Variants in KCNH4 observed in about 807,000 individuals in gnomAD.
KCNH4 encodes the protein potassium voltage-gated channel subfamily H member 4, also known as voltage-gated delayed rectifier potassium channel KCNH4.
Under a neutral mutation model 90.7 loss-of-function variants are expected in KCNH4, and 33 were observed. The observed-to-expected ratio is 0.36, with a 90% confidence interval of 0.28 to 0.49. The LOEUF is 0.49. KCNH4 is among the 20% of genes least tolerant of loss of function. The probability of loss-of-function intolerance (pLI) is 0.98; values close to 1 mark genes in which losing one functional copy is unlikely to be tolerated. For synonymous variants in KCNH4, 551 were observed against 581.7 expected (o/e 0.95, Z 0.76); for missense variants, 1,044 against 1,387.1 (o/e 0.75, Z 3.93).
chr17:42,177,125 C>T (rs2079867595), intron 4 of KCNH4, among the ~76,000 whole-genome samples: 2 of 152,112 alleles, frequency 1.3e-5, no homozygotes, highest in South Asian at 4.1e-4. Context: ...TCTCGGCTCA[C>T]CGCAACCTCC....
Position 42,159,807 on chromosome 17 carries a change from C to G in KCNH4, c.*233G>C. 1 of 400,408 alleles carries G rather than the reference C, an allele frequency of 2.5e-6. No homozygotes were observed. The highest frequency in any genetic ancestry group is 4.2e-5 in the Admixed American group (1 of 24,006). 24.8% of individuals were successfully genotyped at this position (400,408 alleles called of 1,614,324 possible). A position where few individuals can be genotyped will look rare whatever the true frequency, so the allele number is the denominator to read the frequency against. ...GGCACTGCGGTTCATCTCATGCCTG[C>G]TGGGTTCCACAGCCCTCAGGTGGCT... On this transcript the variant is annotated 3_prime_UTR_variant, in exon 16 of 17. Transcript: ENST00000264661.
intron 11 of KCNH4, 46 bp from the exon 12 acceptor site, chr17:42,164,214 GCC>G (rs778773914): frequency 6.7e-7 from 1 of 1,501,728 alleles, no homozygotes; most frequent in South Asian, 1.3e-5. Context: ...CCTTCCCGCG[GCC>G]ATAGCGCAGA....
chr17:42,166,511 G>A lies in KCNH4; in HGVS notation c.1626C>T (p.Asp542=). The change falls in exon 10 of 17, where the codon GAC becomes GAT. Residue 542 remains aspartate, a synonymous_variant. Transcript: ENST00000264661. ...TCTCCCGATTCAGGTGCATAGCAATGTCAGCTCTCAGCTCGTCTGGGAAGT... is the reference window on the plus strand; with the variant it reads ...TCTCCCGATTCAGGTGCATAGCAATATCAGCTCTCAGCTCGTCTGGGAAGT... ...LRDFPDELRA[D]IAMHLNREIL... is the part of the protein sequence containing the mutation. 1 of 1,613,614 alleles carries A rather than the reference G, an allele frequency of 6.2e-7. No homozygotes were observed. The highest frequency in any genetic ancestry group is 8.5e-7 in the Non-Finnish European group (1 of 1,179,544).
At chr17:42,174,402 TCC>T (rs778586728) in intron 6 of KCNH4, among the ~76,000 whole-genome samples, 3 of 151,998 alleles carry the variant, frequency 2.0e-5, no homozygotes, top group Non-Finnish European at 2.9e-5. Flanking sequence ...AGTGTCCCAC[TCC>T]CCAGCTGATG....
In KCNH4 at chr17:42,180,629, G is replaced by A. The variant is rs1902806477; in HGVS notation, c.76+241C>T. On this transcript the variant is annotated intron_variant, in intron 1 of 16. Coordinates refer to ENST00000264661, the MANE Select transcript of KCNH4 (RefSeq NM_012285.3). This position sits in a 1 kb window ranked among gnomAD's most constrained non-coding sequence, Gnocchi z 4.7. ...CCTCCTCCGCTCTGCCGCACAAAGAGCCTCTTCTGCCTCGAGTCACACCCC... is the reference window on the plus strand; with the variant it reads ...CCTCCTCCGCTCTGCCGCACAAAGAACCTCTTCTGCCTCGAGTCACACCCC... Among the ~76,000 whole-genome samples the A allele has an allele frequency of 6.6e-6, 1 of 151,948 alleles. No homozygotes were observed. Among genetic ancestry groups the A allele is most frequent in the Non-Finnish European group, 1.5e-5 (1 of 67,984 alleles).
chr17:42,175,632 C>T lies in KCNH4; in HGVS notation c.934G>A (p.Asp312Asn). The stretch of plus-strand genomic sequence containing the variant: ...TCAAAGGGCAGAGCAGCAATAAGGT[C>T]GATGAAGAACCAGGTGGCCAGGTAG... The part of the protein sequence containing the change: ...LHYLATWFFI[D>N]LIAALPFDLL... Residue 312 changes from aspartate to asparagine, a missense_variant, in exon 6 of 17, where the codon GAC becomes AAC. Asp to Asn is a conservative substitution (Grantham distance 23, BLOSUM62 1). This residue lies in a region of KCNH4 where 318 missense variants were observed against 479.6 expected (regional missense o/e 0.66). Coordinates refer to ENST00000264661, the MANE Select transcript of KCNH4 (RefSeq NM_012285.3). 1 of 1,614,032 alleles carries T rather than the reference C, an allele frequency of 6.2e-7. No homozygotes were observed. The highest frequency in any genetic ancestry group is 8.5e-7 in the Non-Finnish European group (1 of 1,180,028).
In KCNH4 at chr17:42,179,044, C is replaced by T. The variant is rs747363891; in HGVS notation, c.77-18G>A. ...GTTGCTGTCTGTGGGAAGAAGAGGT[C>T]AAGGTCAGGTCAAGGCTGGGAGGCG... is the stretch of plus-strand genomic sequence containing the variant. On this transcript the variant is annotated intron_variant, in intron 1 of 16. Coordinates refer to ENST00000264661, the MANE Select transcript of KCNH4 (RefSeq NM_012285.3). The T allele has an allele frequency of 4.4e-6, 7 of 1,601,102 alleles. No individual in the cohort carries two copies. The highest frequency in any genetic ancestry group is 4.0e-5 in the African/African-American group (3 of 74,732).
chr17:42,165,544 C>T lies in KCNH4; in HGVS notation c.1990G>A (p.Glu664Lys). The stretch of plus-strand genomic sequence containing the variant: ...TACTCAGGATAGAGCCTCAGGACCT[C>T]AGCCAGCCCTCGGCTGCTCAGCTGC... The part of the protein sequence containing the change: ...LQQLSSRGLA[E>K]VLRLYPEYGA... Residue 664 changes from glutamate (E) to lysine (K), a missense_variant, in exon 11 of 17, where the codon GAG becomes AAG. Glu to Lys is a moderately conservative substitution (Grantham distance 56). Coordinates refer to ENST00000264661, the MANE Select transcript of KCNH4 (RefSeq NM_012285.3). 1 of 1,614,218 alleles carries T rather than the reference C, an allele frequency of 6.2e-7. No homozygotes were observed. Among genetic ancestry groups the T allele is most frequent in the South Asian group, 1.1e-5 (1 of 91,092 alleles).
chr17:42,176,977 A>C (rs1456874442), intron 4 of KCNH4, among the ~76,000 whole-genome samples: 1 of 151,788 alleles, frequency 6.6e-6, no homozygotes, highest in Non-Finnish European at 1.5e-5. Context: ...CTGCAGCCTT[A>C]AACTCCTGGG....
intron 3 of KCNH4, 29 bp downstream of exon 3, chr17:42,178,302 T>C: frequency 5.6e-6 from 9 of 1,614,146 alleles, no homozygotes; most frequent in Non-Finnish European, 7.6e-6. Context: ...TTCTGACCAT[T>C]CACACTGCCC....
chr17:42,163,674 A>G lies in KCNH4; in HGVS notation c.2409T>C (p.Ala803=). Residue 803 remains alanine (A), a synonymous_variant, in exon 13 of 17, where the codon GCT becomes GCC. Transcript: ENST00000264661. This position sits in a 1 kb window ranked among gnomAD's most constrained non-coding sequence, Gnocchi z 5.4. The stretch of plus-strand genomic sequence containing the variant: ...TGAGAAGCTGAGGGGGCTTCCAGGC[A>G]GCAGAGCACCTGGGGGGGCCGTGAG... ...ASPHGPPRCS[A]AWKPPQLLIP... The G allele has an allele frequency of 6.6e-7, 1 of 1,508,226 alleles. No homozygotes were observed. Among genetic ancestry groups the G allele is most frequent in the Non-Finnish European group, 8.9e-7 (1 of 1,128,672 alleles). The allele number at this position is 1,508,226 out of a possible 1,614,324, so 93.4% of individuals were successfully genotyped here.
intron 4 of KCNH4, among the ~76,000 whole-genome samples, chr17:42,177,320 A>G (rs2079869055): frequency 6.6e-6 from 1 of 151,628 alleles, no homozygotes; most frequent in African/African-American, 2.4e-5. Context: ...AAGTGCTGGG[A>G]TTACAGGCAT....
chr17:42,156,983 G>A lies in KCNH4; in HGVS notation c.*445C>T, dbSNP rs528216036. 4 of 152,644 alleles carry A rather than the reference G, an allele frequency of 2.6e-5. No individual in the cohort carries two copies. The highest frequency in any genetic ancestry group is 7.2e-5 in the African/African-American group (3 of 41,584). 9.5% of individuals were successfully genotyped at this position (152,644 alleles called of 1,614,324 possible). ...GGAGACCTGGGCGAGTTTTGGAGCA[G>A]TCCAGGCCCTGAGTGAGACCATGTT... On this transcript the variant is annotated 3_prime_UTR_variant, in exon 17 of 17. Coordinates refer to ENST00000264661, the MANE Select transcript of KCNH4 (RefSeq NM_012285.3).
In KCNH4 at chr17:42,169,628, C is replaced by T. The variant is rs1327475373; in HGVS notation, c.1439G>A (p.Arg480His). Residue 480 changes from arginine to histidine, a missense_variant, in exon 9 of 17, where the codon CGC becomes CAC. By Grantham distance (29) the Arg-to-His change is conservative (BLOSUM62 0). Coordinates refer to ENST00000264661, the MANE Select transcript of KCNH4 (RefSeq NM_012285.3). Reference protein sequence around the residue: ...VFGNVTAIIQRMYSRRSLYHS... With the variant: ...VFGNVTAIIQHMYSRRSLYHS... ...GTAGAGCGAGCGGCGCGAGTACATGCGCTGGATGATGGCTGTCACGTTCCC... is the reference window on the plus strand; with the variant it reads ...GTAGAGCGAGCGGCGCGAGTACATGTGCTGGATGATGGCTGTCACGTTCCC... 3 of 1,614,022 alleles carry T rather than the reference C, an allele frequency of 1.9e-6. No homozygotes were observed. The highest frequency in any genetic ancestry group is 1.1e-5 in the South Asian group (1 of 91,090).
intron 5 of KCNH4, 57 bp downstream of exon 5, chr17:42,175,997 T>C: frequency 6.5e-7 from 1 of 1,548,080 alleles, no homozygotes; most frequent in Non-Finnish European, 8.8e-7. Flanking sequence ...GGGTGAGGCT[T>C]GGCCAAGTGG....
Position 42,164,089 on chromosome 17 carries a change from TC to T in KCNH4, c.2124+40del, listed in dbSNP as rs551094572. 320 of 1,545,090 alleles carry T rather than the reference TC, an allele frequency of 2.1e-4. 1 individual carries two copies. The African/African-American group carries it at 4.1e-3, about 20-fold the overall frequency. ...GGATGCTGCTACCCATCTCACCCTC[TC>T]CCCAGGGCAATTCAACCCCACCCAG... On this transcript the variant is annotated intron_variant, in intron 12 of 16. Transcript: ENST00000264661.
chr17:42,180,816 G>A lies in KCNH4; in HGVS notation c.76+54C>T, dbSNP rs2079896253. 1.0e-5 allele frequency: 16 copies of A among 1,553,858 alleles called. No individual in the cohort carries two copies. The highest frequency in any genetic ancestry group is 1.2e-5 in the Non-Finnish European group (14 of 1,126,288). ...TGTCCAGGAGATCCGAGACGGCCCC[G>A]AGGATACTTGCCCCCCAGCTCGAAC... On this transcript the variant is annotated intron_variant, in intron 1 of 16. Transcript: ENST00000264661. This position sits in a 1 kb window ranked among gnomAD's most constrained non-coding sequence, Gnocchi z 4.7.
At chr17:42,162,110 A>G (rs190482521) in intron 15 of KCNH4, 138 bp downstream of exon 15, 2 of 657,458 alleles carry the variant, frequency 3.0e-6, no homozygotes, top group Admixed American at 5.3e-5. Context: ...GTGCCTGGCT[A>G]ATTTTTGTAT....
chr17:42,171,654 GA>G, intron 7 of KCNH4, 133 bp downstream of exon 7: 1 of 882,720 alleles, frequency 1.1e-6, no homozygotes, highest in South Asian at 1.5e-5. Context: ...GCTTGATCCA[GA>G]AAGAGCTCAA....
Sources: allele counts gnomAD v4.1 joint callset (sites outside exome capture counted in the v4.1 genomes callset), GRCh38; gene constraint gnomAD v4.1.1; regional missense constraint gnomAD v4.1.1; non-coding constraint Gnocchi (gnomAD v3.1); transcripts MANE v1.5; gene names NCBI Gene and HGNC (gene_info 2026-07-23, HGNC 2026-07-21).